ACP4: variants seen among roughly 807,000 people sequenced by gnomAD.
ACP4 encodes the protein testicular acid phosphatase.
Under a neutral mutation model 47.3 loss-of-function variants are expected in ACP4, and 49 were observed. That is an observed-to-expected ratio of 1.04 (90% CI 0.82 to 1.32). ACP4 has a LOEUF of 1.32. Among genes scored for constraint, ACP4 ranks in the 40% most tolerant of loss-of-function variants. The probability of loss-of-function intolerance (pLI) is 0.00; values close to 1 mark genes in which losing one functional copy is unlikely to be tolerated. For missense variants in ACP4, 594 were observed against 579.3 expected, an observed-to-expected ratio of 1.03 and a Z score of -0.26; for synonymous variants, 299 against 265.3, an observed-to-expected ratio of 1.13 and a Z score of -1.23.
intron 7 of ACP4, 23 bp downstream of exon 7, chr19:50,793,839 T>G (rs1454516917): frequency 6.2e-7 from 1 of 1,613,970 alleles, no homozygotes; most frequent in African/African-American, 1.3e-5. Flanking sequence ...TCTGGGAGGC[T>G]GGGGTGCCTT....
At chr19:50,794,353 G>C (rs1240951874) in intron 8 of ACP4, 104 bp from the exon 9 acceptor site, 1 of 1,492,160 alleles carries the variant, frequency 6.7e-7, no homozygotes, top group Non-Finnish European at 9.0e-7. Flanking sequence ...GCTTTGGGGG[G>C]TTGGTTCTAA....
In ACP4 at chr19:50,790,429, G is replaced by C; in HGVS notation, c.15G>C (p.Gly5=). 2 of 1,589,080 alleles carry C rather than the reference G, an allele frequency of 1.3e-6. No homozygotes were observed. Among genetic ancestry groups the C allele is most frequent in the South Asian group, 2.3e-5 (2 of 87,908 alleles). The change falls in exon 1 of 11, where the codon GGG becomes GGC. Residue 5 remains glycine (G), a synonymous_variant. Transcript: ENST00000270593. MAGL[G]FWGHPAGPLL... is the part of the protein sequence containing the mutation. ...GCTGGGTGGAAATGGCCGGCCTGGG[G>C]TTTTGGGGCCACCCTGCTGGACCTC... is the stretch of plus-strand genomic sequence containing the variant.
Position 50,792,093 on chromosome 19 carries a change from C to T in ACP4, c.471C>T (p.Arg157=), listed in dbSNP as rs773272778. 1.6e-5 allele frequency: 25 copies of T among 1,593,968 alleles called. No homozygotes were observed. Among genetic ancestry groups the T allele is most frequent in the Non-Finnish European group, 2.1e-5 (25 of 1,171,766 alleles). Residue 157 remains arginine, a synonymous_variant, in exon 5 of 11, where the codon CGC becomes CGT. Transcript: ENST00000270593. ...CCCAGCTGCTGAGGTTCCCCATGCG[C>T]AGCTGTCCCCGATACCACGAGCTGC... ...AEDKLLRFPM[R]SCPRYHELLR...
At position 50,793,696 on chromosome 19, in the gene ACP4, C is replaced by T; in HGVS notation, c.658C>T (p.Leu220Phe). 6.2e-7 allele frequency: 1 copy of T among 1,613,500 alleles called. No homozygotes were observed. The highest frequency in any genetic ancestry group is 1.7e-5 in the Admixed American group (1 of 60,028). ...TGTCTCCCCACAGCAAGCCCACGGT[C>T]TTCCACTACCAGCCTGGGCCTCCCC... ...DTLMCQQAHG[L>F]PLPAWASPDV... Residue 220 changes from leucine to phenylalanine, a missense_variant, in exon 7 of 11, where the codon CTT becomes TTT. Coordinates refer to ENST00000270593, the MANE Select transcript of ACP4 (RefSeq NM_033068.3).
Position 50,790,701 on chromosome 19 carries a change from G to A in ACP4, c.216+3G>A, listed in dbSNP as rs1425687379. ...GAGGCCTGGGCCAGCTGACCACGGTGAGAAGCGGGTAGGCGGTGAGGGCAA... is the reference window on the plus strand; with the variant it reads ...GAGGCCTGGGCCAGCTGACCACGGTAAGAAGCGGGTAGGCGGTGAGGGCAA... On this transcript the variant is annotated splice_donor_region_variant and intron_variant, in intron 2 of 10. Transcript: ENST00000270593. The A allele has an allele frequency of 6.7e-7, 1 of 1,487,832 alleles. No homozygotes were observed. Among genetic ancestry groups the A allele is most frequent in the Non-Finnish European group, 9.0e-7 (1 of 1,110,266 alleles). The allele number at this position is 1,487,832 out of a possible 1,614,324, so 92.2% of individuals were successfully genotyped here.
At position 50,793,875 on chromosome 19, in the gene ACP4, T is replaced by G. The variant is rs894418218; in HGVS notation, c.779-13T>G. On this transcript the variant is annotated splice_polypyrimidine_tract_variant and intron_variant, in intron 7 of 10. Coordinates refer to ENST00000270593, the MANE Select transcript of ACP4 (RefSeq NM_033068.3). ...CCTCTGGGAGAGTCTAAGCTCTTTT[T>G]TCCCATCCTCAGGGATCCTGCTGAA... The G allele has an allele frequency of 6.2e-7, 1 of 1,614,162 alleles. No homozygotes were observed. The highest frequency in any genetic ancestry group is 8.5e-7 in the Non-Finnish European group (1 of 1,180,038).
At position 50,792,132 on chromosome 19, in the gene ACP4, C is replaced by G; in HGVS notation, c.510C>G (p.Thr170=). The change falls in exon 5 of 11, where the codon ACC becomes ACG. Residue 170 remains threonine (T), a synonymous_variant. Coordinates refer to ENST00000270593, the MANE Select transcript of ACP4 (RefSeq NM_033068.3). ...PRYHELLREA[T]EAAEYQEALE... is the part of the protein sequence containing the mutation. The stretch of plus-strand genomic sequence containing the variant: ...ACCACGAGCTGCTGCGGGAGGCCAC[C>G]GAGGCCGCCGAGTACCAGGAGGCCC... 6.2e-7 allele frequency: 1 copy of G among 1,607,836 alleles called. No homozygotes were observed. The highest frequency in any genetic ancestry group is 8.5e-7 in the Non-Finnish European group (1 of 1,178,676).
chr19:50,790,450 A>G lies in ACP4; in HGVS notation c.36A>G (p.Gly12=), dbSNP rs1599909364. The change falls in exon 1 of 11, where the codon GGA becomes GGG. Residue 12 remains glycine (G), a synonymous_variant. Coordinates refer to ENST00000270593, the MANE Select transcript of ACP4 (RefSeq NM_033068.3). ...TGGGGTTTTGGGGCCACCCTGCTGG[A>G]CCTCTCCTGCTGCTGCTGCTGCTGG... is the stretch of plus-strand genomic sequence containing the variant. ...AGLGFWGHPA[G]PLLLLLLLVL... 6 of 1,584,022 alleles carry G rather than the reference A, an allele frequency of 3.8e-6. No homozygotes were observed. In the African/African-American group the frequency reaches 8.1e-5, roughly 21 times the overall value.
At position 50,794,130 on chromosome 19, in the gene ACP4, G is replaced by T. The variant is rs73586820; in HGVS notation, c.861+160G>T. Among the ~76,000 whole-genome samples, 1,289 of 152,298 alleles carry T rather than the reference G, an allele frequency of 8.5e-3. 29 individuals carry two copies. The highest frequency in any genetic ancestry group is 0.029 in the African/African-American group (1,215 of 41,554). ...ACTCTCAGGCTCTACCATTAGTCTG[G>T]AAAGAGGGAGGTGACGGTGTTATGG... On this transcript the variant is annotated intron_variant, in intron 8 of 10. Transcript: ENST00000270593.
At chr19:50,794,353 G>T in intron 8 of ACP4, 104 bp from the exon 9 acceptor site, 5 of 1,492,160 alleles carry the variant, frequency 3.4e-6, no homozygotes, top group Non-Finnish European at 4.5e-6. Flanking sequence ...GCTTTGGGGG[G>T]TTGGTTCTAA....
rs773979364 is a variant in ACP4, at chr19:50,793,712, G to A, written c.674G>A (p.Trp225Ter). 1 of 1,613,666 alleles carries A rather than the reference G, an allele frequency of 6.2e-7. No individual in the cohort carries two copies. The highest frequency in any genetic ancestry group is 1.3e-5 in the African/African-American group (1 of 75,048). The change falls in exon 7 of 11, where the codon TGG becomes TAG. Residue 225 changes from tryptophan to a stop codon, truncating the protein, a stop_gained. Coordinates refer to ENST00000270593, the MANE Select transcript of ACP4 (RefSeq NM_033068.3). LOFTEE classifies it high-confidence loss of function. Reference sequence around the variant, plus strand: ...GCCCACGGTCTTCCACTACCAGCCTGGGCCTCCCCAGATGTCCTGCGGACT... The same window carrying A: ...GCCCACGGTCTTCCACTACCAGCCTAGGCCTCCCCAGATGTCCTGCGGACT... ...QQAHGLPLPAWASPDVLRTLA... is the reference protein window; with the variant it reads ...QQAHGLPLPA
Position 50,795,128 on chromosome 19 carries a change from G to A in ACP4, c.1251G>A (p.Gly417=), listed in dbSNP as rs2089548322. 1 of 1,560,190 alleles carries A rather than the reference G, an allele frequency of 6.4e-7. No homozygotes were observed. Among genetic ancestry groups the A allele is most frequent in the Non-Finnish European group, 8.7e-7 (1 of 1,155,146 alleles). Reference sequence around the variant, plus strand: ...TGGGCCTGCTGGCCTGGAGACCAGGGTGCCTGCGGGCCTTGGGGGGCCCCG... The same window carrying A: ...TGGGCCTGCTGGCCTGGAGACCAGGATGCCTGCGGGCCTTGGGGGGCCCCG... ...LGLGLLAWRP[G]CLRALGGPV is the part of the protein sequence containing the mutation. The change falls in exon 11 of 11, where the codon GGG becomes GGA. Residue 417 remains glycine (G), a synonymous_variant. Transcript: ENST00000270593.
chr19:50,791,658 G>A lies in ACP4; in HGVS notation c.306G>A (p.Val102=). ...FLSPEYRREE[V]YIRSTDFDRT... is the part of the protein sequence containing the mutation. ...GCCCTCTCTCCACCCCGCTCCAGGT[G>A]TACATCCGCAGCACGGACTTTGACC... Residue 102 remains valine, a splice_region_variant and synonymous_variant, in exon 4 of 11, where the codon GTG becomes GTA. Transcript: ENST00000270593. The A allele has an allele frequency of 6.2e-7, 1 of 1,610,678 alleles. No individual in the cohort carries two copies. Among genetic ancestry groups the A allele is most frequent in the Non-Finnish European group, 8.5e-7 (1 of 1,177,986 alleles).
chr19:50,792,580 G>A (rs960308308), intron 6 of ACP4: 1 of 487,220 alleles, frequency 2.1e-6, no homozygotes, highest in Non-Finnish European at 3.6e-6. Flanking sequence ...GCCTTGCCAG[G>A]GTTTGAGGCT....
In ACP4 at chr19:50,794,567, C is replaced by T. The variant is rs147174257; in HGVS notation, c.972C>T (p.Pro324=). ...GFEFRKHLGN[P]AKDGGNVTVS... is the part of the protein sequence containing the mutation. ...AGTTCCGGAAGCACCTGGGGAATCC[C>T]GCCAAAGATGGAGGGTGAGAATGGT... Residue 324 remains proline, a synonymous_variant, in exon 9 of 11, where the codon CCC becomes CCT. Transcript: ENST00000270593. 23 of 1,613,888 alleles carry T rather than the reference C, an allele frequency of 1.4e-5. No homozygotes were observed. Among genetic ancestry groups the T allele is most frequent in the South Asian group, 4.4e-5 (4 of 91,072 alleles).
chr19:50,794,065 C>G, intron 8 of ACP4, 95 bp downstream of exon 8: 1 of 1,411,170 alleles, frequency 7.1e-7, no homozygotes, highest in South Asian at 1.2e-5. Flanking sequence ...CCCAGTGGAT[C>G]TCAGCCCACT....
intron 2 of ACP4, 36 bp downstream of exon 2, chr19:50,790,734 AG>A: frequency 1.6e-6 from 1 of 638,124 alleles, no homozygotes; most frequent in Non-Finnish European, 2.4e-6. Flanking sequence ...CAAGGGTGGG[AG>A]GGGTGGGGAG....
intron 8 of ACP4, 37 bp from the exon 9 acceptor site, chr19:50,794,420 A>G: frequency 1.2e-6 from 2 of 1,610,914 alleles, no homozygotes; most frequent in Non-Finnish European, 1.7e-6. Context: ...AGGCCTCCAG[A>G]GAGAAGTGCC....
intron 6 of ACP4, 101 bp from the exon 7 acceptor site, chr19:50,793,583 G>C (rs2089528015): frequency 2.0e-6 from 3 of 1,501,070 alleles, no homozygotes; most frequent in Non-Finnish European, 1.8e-6. Context: ...TCCAGATCCG[G>C]CCCATGGGGG....
Sources: allele counts gnomAD v4.1 joint callset (sites outside exome capture counted in the v4.1 genomes callset), GRCh38; gene constraint gnomAD v4.1.1; transcripts MANE v1.5; gene names NCBI Gene and HGNC (gene_info 2026-07-23, HGNC 2026-07-21).